PDS5B: variants seen among roughly 807,000 people sequenced by gnomAD.
PDS5B encodes PDS5 cohesin associated factor B, also known as sister chromatid cohesion protein PDS5 homolog B.
A neutral mutation model predicts 184.1 loss-of-function variants in PDS5B; 51 were observed. The observed-to-expected ratio is 0.28, with a 90% CI of 0.22 to 0.35. The LOEUF (loss-of-function observed/expected upper bound fraction) is 0.35. Ranked by LOEUF, PDS5B falls within the 10% of genes least tolerant of loss-of-function variation. The pLI is 1.00. For synonymous variants in PDS5B, 566 were observed against 569.2 expected (o/e 0.99, Z 0.08); for missense variants, 1,180 against 1,723.3 (o/e 0.68, Z 5.58).
chr13:32,758,034 TAACAAAGG>T (rs1954249201), intron 26 of PDS5B, 45 bp from the exon 27 acceptor site: 21 of 778,024 alleles, frequency 2.7e-5, no homozygotes, highest in Non-Finnish European at 4.0e-5. Context: ...TATCTATATT[TAACAAAGG>T]ATGATTTTCT....
rs1187982277 is a variant in PDS5B, at chr13:32,770,687, C to T, written c.4098C>T (p.Ser1366=). ...CTCCTGAATCTAGTGCAATTGAATC[C>T]ACACAGTCCACACCACAGAAAGGAC... ...AESPESSAIE[S]TQSTPQKGRG... Residue 1366 remains serine, a synonymous_variant, in exon 33 of 35, where the codon TCC becomes TCT. Coordinates refer to ENST00000315596, the MANE Select transcript of PDS5B (RefSeq NM_015032.4). 2 of 1,611,208 alleles carry T rather than the reference C, an allele frequency of 1.2e-6. No individual in the cohort carries two copies. Among genetic ancestry groups the T allele is most frequent in the Non-Finnish European group, 8.5e-7 (1 of 1,178,664 alleles).
chr13:32,652,334 A>G (rs755273486), intron 3 of PDS5B: 2 of 215,192 alleles, frequency 9.3e-6, no homozygotes, highest in Non-Finnish European at 1.9e-5. Context: ...TATTTAAAAC[A>G]TAATACCTAG....
chr13:32,775,107 T>TTTTG lies in PDS5B; in HGVS notation c.*58_*59insGTTT. Reference sequence around the variant, plus strand: ...AAGCTTTGGAAAAATCTTTTTTTTTTTTTTTGGTCAAGCTTGAGGCTGAAT... The same window carrying TTTTG: ...AAGCTTTGGAAAAATCTTTTTTTTTTTTTGTTTTTGGTCAAGCTTGAGGCTGAAT... On this transcript the variant is annotated 3_prime_UTR_variant, in exon 35 of 35. Coordinates refer to ENST00000315596, the MANE Select transcript of PDS5B (RefSeq NM_015032.4). The TTTTG allele has an allele frequency of 1.3e-6, 2 of 1,529,834 alleles. No individual in the cohort carries two copies. Among genetic ancestry groups the TTTTG allele is most frequent in the South Asian group, 2.3e-5 (2 of 85,510 alleles). The allele number at this position is 1,529,834 out of a possible 1,614,324, so 94.8% of individuals were successfully genotyped here. A position where few individuals can be genotyped will look rare whatever the true frequency, so the allele number is the denominator to read the frequency against.
intron 1 of PDS5B, among the ~76,000 whole-genome samples, chr13:32,593,460 C>T (rs1430384486): frequency 6.6e-6 from 1 of 152,206 alleles, no homozygotes; most frequent in East Asian, 1.9e-4. Flanking sequence ...CATGTCTCAG[C>T]CTCTGGAGTA....
chr13:32,673,047 T>C (rs1950977874), intron 7 of PDS5B, among the ~76,000 whole-genome samples, 169 bp from the exon 8 acceptor site: 1 of 152,252 alleles, frequency 6.6e-6, no homozygotes, highest in South Asian at 2.1e-4. Flanking sequence ...TTCCATGTTT[T>C]ATCTTTCATG....
intron 19 of PDS5B, among the ~76,000 whole-genome samples, chr13:32,716,665 G>T (rs1234024166): frequency 3.5e-5 from 2 of 56,628 alleles, no homozygotes; most frequent in African/African-American, 1.0e-4. Flanking sequence ...GGAGGGAGGT[G>T]GGGGGGGTCA....
intron 19 of PDS5B, among the ~76,000 whole-genome samples, chr13:32,728,320 G>C (rs7319787): frequency 0.39 from 58,897 of 151,692 alleles, 11,930 homozygotes; most frequent in Non-Finnish European, 0.45. Context: ...AGTAATTTTT[G>C]TCCAGGTTGT....
intron 1 of PDS5B, among the ~76,000 whole-genome samples, chr13:32,645,593 T>C (rs143600036): frequency 6.6e-6 from 1 of 152,354 alleles, no homozygotes; most frequent in East Asian, 1.9e-4. Context: ...ATTTATAAGA[T>C]TGACCTGTGA....
chr13:32,699,001 C>T (rs1951789461), intron 15 of PDS5B, among the ~76,000 whole-genome samples: 1 of 152,138 alleles, frequency 6.6e-6, no homozygotes, highest in South Asian at 2.1e-4. Context: ...GATCCTCCTG[C>T]CTCGGCCTCA....
Position 32,710,121 on chromosome 13 carries a change from T to C in PDS5B, c.2123+15T>C. On this transcript the variant is annotated intron_variant, in intron 19 of 34. Transcript: ENST00000315596. Reference sequence around the variant, plus strand: ...CACATCAGATCGTGAGTTGAGTTTATTTTCAAAAATATTCTGGACATCAGA... The same window carrying C: ...CACATCAGATCGTGAGTTGAGTTTACTTTCAAAAATATTCTGGACATCAGA... The C allele has an allele frequency of 1.4e-6, 2 of 1,424,270 alleles. No homozygotes were observed. The highest frequency in any genetic ancestry group is 1.9e-6 in the Non-Finnish European group (2 of 1,069,820). The allele number at this position is 1,424,270 out of a possible 1,614,324, so 88.2% of individuals were successfully genotyped here.
Position 32,658,472 on chromosome 13 carries a change from G to A in PDS5B, c.438G>A (p.Glu146=), listed in dbSNP as rs1950570975. The A allele has an allele frequency of 1.3e-6, 2 of 1,587,830 alleles. No homozygotes were observed. The highest frequency in any genetic ancestry group is 1.7e-6 in the Non-Finnish European group (2 of 1,161,694). The change falls in exon 5 of 35, where the codon GAG becomes GAA. Residue 146 remains glutamate, a synonymous_variant. Coordinates refer to ENST00000315596, the MANE Select transcript of PDS5B (RefSeq NM_015032.4). Reference sequence around the variant, plus strand: ...TCAAGTCATATAACATATGCTTTGAGTTAGAAGATAGCAATGAAATTTTCA... The same window carrying A: ...TCAAGTCATATAACATATGCTTTGAATTAGAAGATAGCAATGAAATTTTCA... ...AWVKSYNICF[E]LEDSNEIFTQ...
intron 1 of PDS5B, among the ~76,000 whole-genome samples, chr13:32,604,462 C>G (rs1453458771): frequency 1.3e-5 from 2 of 152,176 alleles, no homozygotes; most frequent in Non-Finnish European, 2.9e-5. Flanking sequence ...TGATGTGCTG[C>G]TGGATTTGGT....
intron 1 of PDS5B, among the ~76,000 whole-genome samples, chr13:32,626,258 G>T (rs2058369369): frequency 6.6e-6 from 1 of 152,184 alleles, no homozygotes; most frequent in African/African-American, 2.4e-5. Context: ...TGTGAATGCA[G>T]TTACAGGTAT....
At chr13:32,714,965 G>A (rs1325680108) in intron 19 of PDS5B, among the ~76,000 whole-genome samples, 1 of 152,194 alleles carries the variant, frequency 6.6e-6, no homozygotes, top group African/African-American at 2.4e-5. Context: ...CAAATTTTAT[G>A]TTTAGAGATT....
At chr13:32,769,575 G>T (rs892226007) in intron 31 of PDS5B, among the ~76,000 whole-genome samples, 1 of 152,156 alleles carries the variant, frequency 6.6e-6, no homozygotes, top group Non-Finnish European at 1.5e-5. Flanking sequence ...GAAAGAAGCA[G>T]TATTTCTAAT....
At chr13:32,722,956 AG>A (rs1271908148) in intron 19 of PDS5B, among the ~76,000 whole-genome samples, 2 of 152,376 alleles carry the variant, frequency 1.3e-5, no homozygotes, top group East Asian at 3.9e-4. Context: ...TTACAGCTTC[AG>A]GATCTCTGAG....
intron 2 of PDS5B, 200 bp downstream of exon 2, chr13:32,649,080 G>A (rs1346194035): frequency 2.1e-6 from 1 of 465,868 alleles, no homozygotes; most frequent in East Asian, 4.0e-5. Flanking sequence ...ACAGCAATTA[G>A]GTGAAGCTTA....
At chr13:32,615,670 T>G (rs1043411644) in intron 1 of PDS5B, among the ~76,000 whole-genome samples, 3 of 152,172 alleles carry the variant, frequency 2.0e-5, no homozygotes, top group African/African-American at 4.8e-5. Flanking sequence ...TGGAATTACA[T>G]CTGGAATTAA....
chr13:32,722,475 T>G (rs1392205182), intron 19 of PDS5B, among the ~76,000 whole-genome samples: 1 of 152,190 alleles, frequency 6.6e-6, no homozygotes, highest in African/African-American at 2.4e-5. Context: ...TAGCATTCAG[T>G]ACAGTAACAT....
Sources: allele counts gnomAD v4.1 joint callset (sites outside exome capture counted in the v4.1 genomes callset), GRCh38; gene constraint gnomAD v4.1.1; transcripts MANE v1.5; gene names NCBI Gene and HGNC (gene_info 2026-07-23, HGNC 2026-07-21).